Variants in CACNA2D4 observed in about 807,000 individuals in gnomAD.
CACNA2D4 encodes the protein voltage-dependent calcium channel subunit alpha-2/delta-4.
CACNA2D4 carries 157 observed loss-of-function variants against 163.8 expected under a neutral mutation model. That is an observed-to-expected ratio of 0.96 (90% CI 0.84 to 1.09). The LOEUF (loss-of-function observed/expected upper bound fraction) is 1.09. Among genes scored for constraint, CACNA2D4 ranks in the 50% least tolerant of loss-of-function variants. The pLI is 0.00. For missense variants in CACNA2D4, 1,410 were observed against 1,479.9 expected, an observed-to-expected ratio of 0.95 and a Z score of 0.78; for synonymous variants, 598 against 586.9, an observed-to-expected ratio of 1.02 and a Z score of -0.27.
chr12:1,815,472 C>T (rs995680859), intron 26 of CACNA2D4, among the ~76,000 whole-genome samples: 1 of 150,852 alleles, frequency 6.6e-6, no homozygotes, highest in South Asian at 2.1e-4. Flanking sequence ...CCCTCACTTT[C>T]ACTCTCTACC....
Position 1,843,594 on chromosome 12 carries a change from T to A in CACNA2D4, c.2470+808A>T, listed in dbSNP as rs527826541. Among the ~76,000 whole-genome samples, 1 of 152,318 alleles carries A rather than the reference T, an allele frequency of 6.6e-6. No homozygotes were observed. Among genetic ancestry groups the A allele is most frequent in the South Asian group, 2.1e-4 (1 of 4,834 alleles). The stretch of plus-strand genomic sequence containing the variant: ...GCTGTGCCATGCACTCTGGGATCCC[T>A]GGACAAGCCCCGGAAGCTCCCTGGG... On this transcript the variant is annotated intron_variant, in intron 25 of 37. Coordinates refer to ENST00000382722, the MANE Select transcript of CACNA2D4 (RefSeq NM_172364.5). This position sits in a 1 kb window ranked among gnomAD's most constrained non-coding sequence, Gnocchi z 4.6.
At chr12:1,891,203 T>C (rs1866272965) in intron 6 of CACNA2D4, among the ~76,000 whole-genome samples, 1 of 152,128 alleles carries the variant, frequency 6.6e-6, no homozygotes. Flanking sequence ...CTCAGCCCAC[T>C]GCCACAACTG....
chr12:1,828,384 C>T lies in CACNA2D4; in HGVS notation c.2551+12355G>A, dbSNP rs1037799655. Among the ~76,000 whole-genome samples, 21 of 152,222 alleles carry T rather than the reference C, an allele frequency of 1.4e-4. No homozygotes were observed. The highest frequency in any genetic ancestry group is 2.7e-4 in the African/African-American group (11 of 41,458). On this transcript the variant is annotated intron_variant, in intron 26 of 37. Coordinates refer to ENST00000382722, the MANE Select transcript of CACNA2D4 (RefSeq NM_172364.5). This position sits in a 1 kb window ranked among gnomAD's most constrained non-coding sequence, Gnocchi z 4.2. Reference sequence around the variant, plus strand: ...TTCTGGGAAGCCAGGGTCACGCCCACGGTGACAGCATCCCTGCCAGTCAGA... The same window carrying T: ...TTCTGGGAAGCCAGGGTCACGCCCATGGTGACAGCATCCCTGCCAGTCAGA...
intron 6 of CACNA2D4, among the ~76,000 whole-genome samples, chr12:1,888,919 A>G (rs1866215668): frequency 6.6e-6 from 1 of 152,226 alleles, no homozygotes; most frequent in African/African-American, 2.4e-5. Context: ...CCACATATAG[A>G]CACATAGTAT....
chr12:1,794,087 C>T lies in CACNA2D4; in HGVS notation c.3310-328G>A, dbSNP rs79366150. Among the ~76,000 whole-genome samples the T allele has an allele frequency of 2.1e-3, 316 of 152,306 alleles. 1 individual carries two copies. Among genetic ancestry groups the T allele is most frequent in the African/African-American group, 7.4e-3 (308 of 41,558 alleles). ...AGACCAGACTGTATGAAGCACCCGG[C>T]TCAGGGCCTGACACCTGGGTCTGGG... On this transcript the variant is annotated intron_variant, in intron 37 of 37. Coordinates refer to ENST00000382722, the MANE Select transcript of CACNA2D4 (RefSeq NM_172364.5).
At chr12:1,863,727 A>G (rs770761741) in intron 18 of CACNA2D4, among the ~76,000 whole-genome samples, 2 of 152,122 alleles carry the variant, frequency 1.3e-5, no homozygotes, top group Non-Finnish European at 2.9e-5. Flanking sequence ...TTTTTGGAGA[A>G]AGACACTTTT....
At chr12:1,914,816 C>T in intron 2 of CACNA2D4, 38 bp downstream of exon 2, 1 of 1,479,242 alleles carries the variant, frequency 6.8e-7, no homozygotes, top group Non-Finnish European at 9.5e-7. Context: ...TGACTGCCCT[C>T]TGCCACCCGG....
At position 1,795,632 on chromosome 12, in the gene CACNA2D4, C is replaced by T. The variant is rs759246678; in HGVS notation, c.3226+36G>A. 5 of 1,422,586 alleles carry T rather than the reference C, an allele frequency of 3.5e-6. No individual in the cohort carries two copies. The African/African-American group carries it at 4.2e-5, about 12-fold the overall frequency. 88.1% of individuals were successfully genotyped at this position (1,422,586 alleles called of 1,614,324 possible). On this transcript the variant is annotated intron_variant, in intron 36 of 37. Transcript: ENST00000382722. ...CTACAGACACCTCCTACAGCCCCCGCCCCCACCGCACACATCCCCGAGCAT... is the reference window on the plus strand; with the variant it reads ...CTACAGACACCTCCTACAGCCCCCGTCCCCACCGCACACATCCCCGAGCAT...
At position 1,829,910 on chromosome 12, in the gene CACNA2D4, A is replaced by G. The variant is rs1864543303; in HGVS notation, c.2551+10829T>C. 6.6e-6 allele frequency among the ~76,000 whole-genome samples: 1 copy of G among 152,008 alleles called. No individual in the cohort carries two copies. The highest frequency in any genetic ancestry group is 1.5e-5 in the Non-Finnish European group (1 of 67,986). ...TGAGCAGGCTTCTCTGCTACTCAGG[A>G]GGACACTTAGGGGTTTTTGAGGCCA... On this transcript the variant is annotated intron_variant, in intron 26 of 37. Transcript: ENST00000382722. The surrounding 1 kb of genome is among the most constrained non-coding windows in gnomAD (Gnocchi z 4.2).
rs755360800 is a variant in CACNA2D4, at chr12:1,910,570, C to T, written c.427-605G>A. ...AATAAAGTCTACTAAAATATGCGTG[C>T]GTGCCAAAGCCAAAAGGTGGAAACA... On this transcript the variant is annotated intron_variant, in intron 3 of 37. Transcript: ENST00000382722. 5.3e-5 allele frequency among the ~76,000 whole-genome samples: 8 copies of T among 152,124 alleles called. 1 individual carries two copies. Among genetic ancestry groups the T allele is most frequent in the Admixed American group, 3.3e-4 (5 of 15,272 alleles).
In CACNA2D4 at chr12:1,846,706, G is replaced by A. The variant is rs746614917; in HGVS notation, c.2247-17C>T. The A allele has an allele frequency of 6.3e-7, 1 of 1,576,922 alleles. No individual in the cohort carries two copies. The highest frequency in any genetic ancestry group is 1.2e-5 in the South Asian group (1 of 86,450). ...TCAGACTCCCTGTGTGGCAGACAGA[G>A]CGGGAATGGTCACCACATGGCTGTG... On this transcript the variant is annotated splice_polypyrimidine_tract_variant and intron_variant, in intron 23 of 37. Coordinates refer to ENST00000382722, the MANE Select transcript of CACNA2D4 (RefSeq NM_172364.5).
At chr12:1,903,606 G>T (rs1407867769) in intron 6 of CACNA2D4, among the ~76,000 whole-genome samples, 2 of 151,776 alleles carry the variant, frequency 1.3e-5, no homozygotes, top group Admixed American at 6.6e-5. Context: ...TGGCAAACAG[G>T]TATATAAAAA....
rs772450397 is a variant in CACNA2D4 at position 1,907,974 on chromosome 12, C to T, written c.550G>A (p.Gly184Ser). The part of the protein sequence containing the change: ...RDEKGNFVEL[G>S]AEFLLESNAH... ...TTGGACTCCAGGAGGAACTCGGCGC[C>T]CAGCTCCACGAAGTTGCCCTTCTCG... is the stretch of plus-strand genomic sequence containing the variant. Residue 184 changes from glycine (G) to serine (S), a missense_variant, in exon 5 of 38, where the codon GGC becomes AGC. Transcript: ENST00000382722. 2.5e-6 allele frequency: 4 copies of T among 1,614,014 alleles called. No homozygotes were observed. The highest frequency in any genetic ancestry group is 1.3e-5 in the African/African-American group (1 of 75,072).
At chr12:1,901,798 T>C (rs1866543691) in intron 6 of CACNA2D4, among the ~76,000 whole-genome samples, 2 of 152,028 alleles carry the variant, frequency 1.3e-5, no homozygotes, top group African/African-American at 4.8e-5. Flanking sequence ...CCAATCCTAC[T>C]CAAACTATTA....
chr12:1,907,707 GT>G (rs1866694512), intron 5 of CACNA2D4, 136 bp from the exon 6 acceptor site: 3 of 1,181,862 alleles, frequency 2.5e-6, no homozygotes, highest in Middle Eastern at 2.1e-4. Flanking sequence ...CCTGGTGGGC[GT>G]GTCTGGTGGA....
At position 1,917,911 on chromosome 12, in the gene CACNA2D4, G is replaced by A. The variant is rs552938764; in HGVS notation, c.227+336C>T. On this transcript the variant is annotated intron_variant, in intron 1 of 37. Coordinates refer to ENST00000382722, the MANE Select transcript of CACNA2D4 (RefSeq NM_172364.5). This position sits in a 1 kb window ranked among gnomAD's most constrained non-coding sequence, Gnocchi z 4.3. ...CTCCTCCAGGCTGCCTCATCTCAGC[G>A]ATTATCCTGAAGGAGCACCCGCCCT... The A allele has an allele frequency of 1.5e-5, 4 of 270,088 alleles. No homozygotes were observed. The highest frequency in any genetic ancestry group is 1.4e-4 in the South Asian group (3 of 21,528). 16.7% of individuals were successfully genotyped at this position (270,088 alleles called of 1,614,324 possible). A position where few individuals can be genotyped will look rare whatever the true frequency, so the allele number is the denominator to read the frequency against.
At position 1,858,607 on chromosome 12, in the gene CACNA2D4, T is replaced by C. The variant is rs1262338329; in HGVS notation, c.1978A>G (p.Ile660Val). Reference sequence around the variant, plus strand: ...TCCACAGACGTGTTCCCCAGAAGGATGTATTCTCCGTGGCCCCGGGACAGC... The same window carrying C: ...TCCACAGACGTGTTCCCCAGAAGGACGTATTCTCCGTGGCCCCGGGACAGC... ...VVLSRGHGEY[I>V]LLGNTSVEEG... Residue 660 changes from isoleucine (I) to valine (V), a missense_variant, in exon 20 of 38, where the codon ATC becomes GTC. Ile to Val is a conservative substitution (Grantham distance 29, BLOSUM62 3). Transcript: ENST00000382722. 4 of 1,612,816 alleles carry C rather than the reference T, an allele frequency of 2.5e-6. No homozygotes were observed. Among genetic ancestry groups the C allele is most frequent in the Admixed American group, 1.7e-5 (1 of 59,908 alleles).
In CACNA2D4 at chr12:1,792,690, A is replaced by C. The variant is rs1237617479; in HGVS notation, c.*965T>G. 2.6e-5 allele frequency: 4 copies of C among 152,112 alleles called. No homozygotes were observed. Among genetic ancestry groups the C allele is most frequent in the Admixed American group, 6.5e-5 (1 of 15,270 alleles). The allele number at this position is 152,112 out of a possible 1,614,324, so 9.4% of individuals were successfully genotyped here. A position where few individuals can be genotyped will look rare whatever the true frequency, so the allele number is the denominator to read the frequency against. ...GTGTGCGCTGGGGGTGAGTTCCCAG[A>C]TAGAGCTTCCCTCCCAGTGGACCCT... On this transcript the variant is annotated 3_prime_UTR_variant, in exon 38 of 38. Coordinates refer to ENST00000382722, the MANE Select transcript of CACNA2D4 (RefSeq NM_172364.5).
At position 1,856,198 on chromosome 12, in the gene CACNA2D4, G is replaced by A. The variant is rs1865396444; in HGVS notation, c.2040C>T (p.Ala680=). ...GLHDLLHPDL[A]LAGDWIYCIT... ...TCCTCACTTACCAGTCACCGGCCAG[G>A]GCCAGGTCTGGGTGAAGCAAGTCAT... Residue 680 remains alanine, a synonymous_variant, in exon 21 of 38, where the codon GCC becomes GCT. Coordinates refer to ENST00000382722, the MANE Select transcript of CACNA2D4 (RefSeq NM_172364.5). 3.7e-6 allele frequency: 6 copies of A among 1,613,968 alleles called. No homozygotes were observed. The highest frequency in any genetic ancestry group is 1.3e-5 in the African/African-American group (1 of 75,048).
Sources: gnomAD v4.1 joint callset for allele counts (sites outside exome capture counted in the v4.1 genomes callset) on GRCh38, gnomAD v4.1.1 for gene constraint, Gnocchi (gnomAD v3.1) non-coding constraint, MANE v1.5 for transcripts, NCBI Gene and HGNC (gene_info 2026-07-23, HGNC 2026-07-21) for gene names.